CYB5R4: variants seen among roughly 807,000 people sequenced by gnomAD.
CYB5R4 encodes the protein cytochrome b5 reductase 4.
CYB5R4 carries 55 observed loss-of-function variants against 70.2 expected under a neutral mutation model. That is an observed-to-expected ratio of 0.78 (90% CI 0.63 to 0.98). CYB5R4 has a LOEUF of 0.98. Ranked by LOEUF, CYB5R4 falls within the 50% of genes least tolerant of loss-of-function variation. The pLI is 0.00. For missense variants in CYB5R4, 562 were observed against 612.6 expected, an observed-to-expected ratio of 0.92 and a Z score of 0.87; for synonymous variants, 197 against 199.5, an observed-to-expected ratio of 0.99 and a Z score of 0.11.
chr6:83,928,529 G>C (rs1455593792), intron 10 of CYB5R4, among the ~76,000 whole-genome samples: 1 of 152,072 alleles, frequency 6.6e-6, no homozygotes, highest in African/African-American at 2.4e-5. Flanking sequence ...AAACTATATG[G>C]GACTTTCCAG....
chr6:83,930,261 T>G (rs1179401188), intron 10 of CYB5R4, among the ~76,000 whole-genome samples: 1 of 152,184 alleles, frequency 6.6e-6, no homozygotes, highest in Non-Finnish European at 1.5e-5. Context: ...AAATGAAGTT[T>G]GCCCACATCG....
intron 2 of CYB5R4, among the ~76,000 whole-genome samples, chr6:83,892,757 G>A (rs1037675440): frequency 2.6e-5 from 4 of 152,078 alleles, no homozygotes; most frequent in Non-Finnish European, 5.9e-5. Flanking sequence ...GTGGATTAGA[G>A]CTTGATTCTT....
At chr6:83,933,893 C>T (rs959871851) in intron 10 of CYB5R4, among the ~76,000 whole-genome samples, 1 of 152,178 alleles carries the variant, frequency 6.6e-6, no homozygotes, top group African/African-American at 2.4e-5. Context: ...CCAAAACCTA[C>T]ACCTTTAAGC....
intron 12 of CYB5R4, among the ~76,000 whole-genome samples, chr6:83,936,986 A>G (rs576462695): frequency 6.6e-6 from 1 of 152,330 alleles, no homozygotes; most frequent in East Asian, 1.9e-4. Context: ...AAAAAGACCC[A>G]AACATGGGCT....
intron 3 of CYB5R4, among the ~76,000 whole-genome samples, chr6:83,905,252 T>C (rs888339356): frequency 1.3e-5 from 2 of 152,238 alleles, no homozygotes; most frequent in African/African-American, 4.8e-5. Context: ...AGATGGGGTT[T>C]CACCATGTTG....
In CYB5R4 at chr6:83,955,398, T is replaced by G; in HGVS notation, c.1447T>G (p.Leu483Val). The change falls in exon 15 of 16, where the codon TTG (leucine) becomes GTG (valine). Residue 483 changes from leucine (L) to valine (V), a missense_variant. Leu to Val is a conservative substitution (Grantham distance 32). Coordinates refer to ENST00000369681, the MANE Select transcript of CYB5R4 (RefSeq NM_016230.4). ...TCTTTCTGAATTTTTGAAAAGAAAT[T>G]TGGACAAATCCAAAGTTCTCGTCTG... The part of the protein sequence containing the change: ...ALLSEFLKRN[L>V]DKSKVLVCIC... 6.2e-7 allele frequency: 1 copy of G among 1,613,960 alleles called. No homozygotes were observed. The highest frequency in any genetic ancestry group is 2.2e-5 in the East Asian group (1 of 44,840).
chr6:83,888,169 A>G (rs925380887), intron 2 of CYB5R4, among the ~76,000 whole-genome samples: 1 of 152,198 alleles, frequency 6.6e-6, no homozygotes, highest in African/African-American at 2.4e-5. Flanking sequence ...ATAAAATTGC[A>G]TCACTGGAAA....
chr6:83,866,859 T>C (rs1377854542), intron 2 of CYB5R4, among the ~76,000 whole-genome samples: 1 of 152,138 alleles, frequency 6.6e-6, no homozygotes, highest in African/African-American at 2.4e-5. Flanking sequence ...TCTCAAGCAG[T>C]CCTCCTGCCT....
chr6:83,921,228 G>T, intron 8 of CYB5R4, 53 bp downstream of exon 8: 1 of 1,370,678 alleles, frequency 7.3e-7, no homozygotes, highest in Non-Finnish European at 9.8e-7. Flanking sequence ...TTTAAATATG[G>T]CAATAACTTG....
At chr6:83,911,740 G>A (rs368055398) in intron 4 of CYB5R4, among the ~76,000 whole-genome samples, 6 of 151,718 alleles carry the variant, frequency 4.0e-5, no homozygotes, top group African/African-American at 7.3e-5. Context: ...ACAGCCACAC[G>A]CAATCTTAAA....
chr6:83,860,082 C>T (rs929188180), intron 1 of CYB5R4, among the ~76,000 whole-genome samples: 1 of 152,138 alleles, frequency 6.6e-6, no homozygotes, highest in African/African-American at 2.4e-5. Flanking sequence ...GGTCCTTTAT[C>T]CCGCTCTATC....
In CYB5R4 at chr6:83,862,836, T is replaced by G. The variant is rs61761481; in HGVS notation, c.76-1339T>G. ...AGGTCATTTTCTCACACTTCATTTA[T>G]TGGGATCAAGAGACCTAGAGTTTCA... On this transcript the variant is annotated intron_variant, in intron 1 of 15. Transcript: ENST00000369681. Among the ~76,000 whole-genome samples, 469 of 152,340 alleles carry G rather than the reference T, an allele frequency of 3.1e-3. 2 individuals are homozygous for G. The highest frequency in any genetic ancestry group is 0.011 in the African/African-American group (444 of 41,586).
chr6:83,924,590 C>T lies in CYB5R4; in HGVS notation c.812C>T (p.Thr271Ile), dbSNP rs181070242. ...AATTCACTTATTCCAAGGAAAGATACAGGTATGCTGTGTTCTTTTGTTACG... is the reference window on the plus strand; with the variant it reads ...AATTCACTTATTCCAAGGAAAGATATAGGTATGCTGTGTTCTTTTGTTACG... The part of the protein sequence containing the change: ...NHNSLIPRKD[T>I]GLYYRKCQLI... Residue 271 changes from threonine (T) to isoleucine (I), a missense_variant and splice_region_variant, in exon 10 of 16, where the codon ACA (threonine) becomes ATA (isoleucine). Thr to Ile is a moderately conservative substitution (Grantham distance 89, BLOSUM62 -1). Coordinates refer to ENST00000369681, the MANE Select transcript of CYB5R4 (RefSeq NM_016230.4). 2.5e-6 allele frequency: 4 copies of T among 1,612,670 alleles called. No homozygotes were observed. The highest frequency in any genetic ancestry group is 4.5e-5 in the East Asian group (2 of 44,778).
rs2099471338 is a variant in CYB5R4, at chr6:83,950,392, A to G, written c.1347-4906A>G. On this transcript the variant is annotated intron_variant, in intron 14 of 15. Coordinates refer to ENST00000369681, the MANE Select transcript of CYB5R4 (RefSeq NM_016230.4). Reference sequence around the variant, plus strand: ...TAAACTGAAATCCAAACTAAATTCCACTTATCCTTCTCCCAAATATGTGAT... The same window carrying G: ...TAAACTGAAATCCAAACTAAATTCCGCTTATCCTTCTCCCAAATATGTGAT... Among the ~76,000 whole-genome samples the G allele has an allele frequency of 2.6e-5, 4 of 152,158 alleles. No individual in the cohort carries two copies. The South Asian group carries it at 8.3e-4, about 31-fold the overall frequency.
chr6:83,900,248 T>G (rs2099462690), intron 3 of CYB5R4, among the ~76,000 whole-genome samples: 1 of 152,160 alleles, frequency 6.6e-6, no homozygotes, highest in African/African-American at 2.4e-5. Flanking sequence ...CAGGAGCAGG[T>G]TGTTCAGTTT....
At chr6:83,901,116 C>T (rs952396526) in intron 3 of CYB5R4, among the ~76,000 whole-genome samples, 7 of 152,146 alleles carry the variant, frequency 4.6e-5, no homozygotes, top group South Asian at 2.1e-4. Flanking sequence ...TGTTCCTTTC[C>T]GTGTTTGGTG....
At position 83,920,623 on chromosome 6, in the gene CYB5R4, A is replaced by AT. The variant is rs58054356; in HGVS notation, c.565-451dup. Among the ~76,000 whole-genome samples the AT allele has an allele frequency of 4.5e-3, 683 of 151,686 alleles. 6 individuals carry two copies. The highest frequency in any genetic ancestry group is 0.015 in the African/African-American group (611 of 41,368). ...CATCTAAAAATATGTTAGTGAATTGATTTTTTTTATAAGCTAAGGTCAAGA... is the reference window on the plus strand; with the variant it reads ...CATCTAAAAATATGTTAGTGAATTGATTTTTTTTTATAAGCTAAGGTCAAGA... On this transcript the variant is annotated intron_variant, in intron 7 of 15. Coordinates refer to ENST00000369681, the MANE Select transcript of CYB5R4 (RefSeq NM_016230.4).
Position 83,960,500 on chromosome 6 carries a change from A to G in CYB5R4, c.*622A>G, listed in dbSNP as rs935255385. On this transcript the variant is annotated 3_prime_UTR_variant, in exon 16 of 16. Transcript: ENST00000369681. ...CTCAAGGGGAATTTTAAAAGGCAGCAATAAAATATATTAGAGACATGACAC... is the reference window on the plus strand; with the variant it reads ...CTCAAGGGGAATTTTAAAAGGCAGCGATAAAATATATTAGAGACATGACAC... 2.0e-5 allele frequency: 3 copies of G among 152,250 alleles called. No homozygotes were observed. Among genetic ancestry groups the G allele is most frequent in the African/African-American group, 7.2e-5 (3 of 41,456 alleles). 9.4% of individuals were successfully genotyped at this position (152,250 alleles called of 1,614,324 possible).
chr6:83,917,013 A>G (rs890184148), intron 5 of CYB5R4, among the ~76,000 whole-genome samples: 1 of 152,152 alleles, frequency 6.6e-6, no homozygotes, highest in Non-Finnish European at 1.5e-5. Context: ...ACTAAATCTT[A>G]CCATATACAA....
Sources: gnomAD v4.1 joint callset for allele counts (sites outside exome capture counted in the v4.1 genomes callset) on GRCh38, gnomAD v4.1.1 for gene constraint, MANE v1.5 for transcripts, NCBI Gene and HGNC (gene_info 2026-07-23, HGNC 2026-07-21) for gene names.